The following YAF2 variants were observed in gnomAD, a reference collection of about 807,000 sequenced individuals.
YAF2 encodes the protein YY1 associated factor 2, also known as YY1-associated factor 2.
YAF2 carries 7 observed loss-of-function variants against 20.1 expected under a neutral mutation model. The ratio of observed to expected loss-of-function variants is 0.35; its 90% CI spans 0.20 to 0.65. The LOEUF (loss-of-function observed/expected upper bound fraction) is 0.65. Ranked by LOEUF, YAF2 falls within the 30% of genes least tolerant of loss-of-function variation. YAF2 has a pLI of 0.69. For synonymous variants in YAF2, 74 were observed against 76.0 expected, an observed-to-expected ratio of 0.97 and a Z score of 0.14; for missense variants, 151 against 219.2, an observed-to-expected ratio of 0.69 and a Z score of 1.96.
intron 2 of YAF2, among the ~76,000 whole-genome samples, chr12:42,190,697 T>G (rs2066591514): frequency 6.6e-6 from 1 of 152,144 alleles, no homozygotes; most frequent in Non-Finnish European, 1.5e-5. Flanking sequence ...ATTGTAATTA[T>G]TTTCTACTAC....
intron 2 of YAF2, among the ~76,000 whole-genome samples, chr12:42,207,940 AG>A (rs1366210568): frequency 1.3e-5 from 2 of 152,118 alleles, no homozygotes; most frequent in Non-Finnish European, 2.9e-5. Context: ...CTATATGAAA[AG>A]CTAATATTTC....
intron 2 of YAF2, among the ~76,000 whole-genome samples, chr12:42,228,677 T>G (rs865810790): frequency 3.2e-5 from 2 of 61,654 alleles, no homozygotes; most frequent in Non-Finnish European, 6.1e-5. Context: ...TCAGCCCCCC[T>G]GCCCGGCCAG....
chr12:42,207,849 C>T (rs1241460606), intron 2 of YAF2, among the ~76,000 whole-genome samples: 2 of 151,974 alleles, frequency 1.3e-5, no homozygotes, highest in African/African-American at 4.8e-5. Flanking sequence ...CGAGATCGTG[C>T]CACTGCACTC....
chr12:42,213,031 G>T (rs1479440527), intron 2 of YAF2, among the ~76,000 whole-genome samples: 1 of 143,972 alleles, frequency 6.9e-6, no homozygotes, highest in Non-Finnish European at 1.5e-5. Context: ...TTATCCTAAT[G>T]GTATAAGCTA....
intron 2 of YAF2, among the ~76,000 whole-genome samples, chr12:42,207,391 C>G (rs971917213): frequency 2.0e-5 from 3 of 152,144 alleles, no homozygotes; most frequent in African/African-American, 7.2e-5. Context: ...ACTTTGTTTT[C>G]TAACACTAAA....
At position 42,167,913 on chromosome 12, in the gene YAF2, T is replaced by C. The variant is rs189630298; in HGVS notation, c.153-6148A>G. 2.8e-3 allele frequency among the ~76,000 whole-genome samples: 423 copies of C among 152,308 alleles called. 2 individuals are homozygous for C. Among genetic ancestry groups the C allele is most frequent in the African/African-American group, 9.6e-3 (401 of 41,572 alleles). ...GCTACAGTCCAGGACAGTCAAGTCA[T>C]CGTCTGGCTTTGTTTCCATACCTCG... On this transcript the variant is annotated intron_variant, in intron 2 of 3. Coordinates refer to ENST00000534854, the MANE Select transcript of YAF2 (RefSeq NM_005748.6).
chr12:42,224,347 C>G (rs1210491897), intron 2 of YAF2, among the ~76,000 whole-genome samples: 1 of 152,058 alleles, frequency 6.6e-6, no homozygotes, highest in Non-Finnish European at 1.5e-5. Context: ...AATCATTCAA[C>G]AGAAAATAAT....
chr12:42,218,185 A>AACACACACACACACACACACAC (rs71883885), intron 2 of YAF2, among the ~76,000 whole-genome samples: 2 of 140,608 alleles, frequency 1.4e-5, no homozygotes, highest in Non-Finnish European at 3.1e-5. Flanking sequence ...GCTACTAGGA[A>AACACACACACACACACACACAC]ACACACACAC....
In YAF2 at chr12:42,228,218, G is replaced by A. The variant is rs560202718; in HGVS notation, c.152+9381C>T. 2.0e-3 allele frequency among the ~76,000 whole-genome samples: 175 copies of A among 88,482 alleles called. 9 individuals are homozygous for A. The East Asian group carries it at 0.026, about 13-fold the overall frequency. The allele number at this position is 88,482 out of a possible 152,430, so 58.0% of individuals were successfully genotyped here. ...AGGTGGGGGGGTCGGCCCCCCGCCC[G>A]GCCAGCCGCCCCGTCCTGGAGGGAG... On this transcript the variant is annotated intron_variant, in intron 2 of 3. Coordinates refer to ENST00000534854, the MANE Select transcript of YAF2 (RefSeq NM_005748.6).
intron 2 of YAF2, among the ~76,000 whole-genome samples, chr12:42,176,332 A>G (rs1196018599): frequency 1.3e-5 from 2 of 151,936 alleles, no homozygotes; most frequent in African/African-American, 2.4e-5. Flanking sequence ...TGCTGGCCAG[A>G]CTGGTCTCAA....
intron 2 of YAF2, among the ~76,000 whole-genome samples, chr12:42,169,709 A>G (rs1319416807): frequency 6.6e-6 from 1 of 151,834 alleles, no homozygotes; most frequent in East Asian, 2.0e-4. Context: ...CACCGTGCCC[A>G]GCCAACTTCT....
chr12:42,163,687 T>C (rs2136956302), intron 2 of YAF2, among the ~76,000 whole-genome samples: 1 of 152,338 alleles, frequency 6.6e-6, no homozygotes, highest in Admixed American at 6.5e-5. Flanking sequence ...TTATTTCATC[T>C]GGTTCAATTC....
chr12:42,172,671 C>G (rs2066079254), intron 2 of YAF2, among the ~76,000 whole-genome samples: 1 of 152,152 alleles, frequency 6.6e-6, no homozygotes, highest in African/African-American at 2.4e-5. Context: ...CATATGTTCA[C>G]ACAAAAATGT....
rs1408150408 is a variant in YAF2, at chr12:42,160,549, G to A, written c.*40C>T. 3 of 1,493,720 alleles carry A rather than the reference G, an allele frequency of 2.0e-6. No homozygotes were observed. Among genetic ancestry groups the A allele is most frequent in the Admixed American group, 1.7e-5 (1 of 58,190 alleles). 92.5% of individuals were successfully genotyped at this position (1,493,720 alleles called of 1,614,324 possible). A position where few individuals can be genotyped will look rare whatever the true frequency, so the allele number is the denominator to read the frequency against. ...CTTGGCATAATCTGTGTATTTGCATGGTAGGACAGAAGTGACTAAGAAATT... is the reference window on the plus strand; with the variant it reads ...CTTGGCATAATCTGTGTATTTGCATAGTAGGACAGAAGTGACTAAGAAATT... On this transcript the variant is annotated 3_prime_UTR_variant, in exon 4 of 4. Transcript: ENST00000534854.
intron 2 of YAF2, among the ~76,000 whole-genome samples, chr12:42,174,497 T>G (rs531154556): frequency 2.5e-4 from 38 of 152,286 alleles, no homozygotes; most frequent in Middle Eastern, 3.4e-3. Flanking sequence ...TTTCTAAACT[T>G]CAGAGTACCT....
chr12:42,234,831 T>C, intron 2 of YAF2: 8 of 748,956 alleles, frequency 1.1e-5, no homozygotes, highest in Non-Finnish European at 1.3e-5. Context: ...CTACAAAAAA[T>C]AAGAAAATTA....
intron 2 of YAF2, among the ~76,000 whole-genome samples, chr12:42,214,722 G>A (rs1033601984): frequency 6.6e-6 from 1 of 151,782 alleles, no homozygotes; most frequent in African/African-American, 2.4e-5. Flanking sequence ...CATGAGAGCT[G>A]GCCAGGCACA....
chr12:42,178,200 G>C (rs1167460509), intron 2 of YAF2, among the ~76,000 whole-genome samples: 1 of 151,848 alleles, frequency 6.6e-6, no homozygotes, highest in Non-Finnish European at 1.5e-5. Flanking sequence ...AATTTCCAGG[G>C]ATCTGTGATC....
At chr12:42,180,468 A>G (rs1424100508) in intron 2 of YAF2, among the ~76,000 whole-genome samples, 6 of 152,202 alleles carry the variant, frequency 3.9e-5, no homozygotes, top group Admixed American at 3.3e-4. Flanking sequence ...AGAGAGCTGC[A>G]GCCCCAGCCA....
Sources: allele counts gnomAD v4.1 joint callset (sites outside exome capture counted in the v4.1 genomes callset), GRCh38; gene constraint gnomAD v4.1.1; transcripts MANE v1.5; gene names NCBI Gene and HGNC (gene_info 2026-07-23, HGNC 2026-07-21).